Variants in SCGB2B2 observed in about 807,000 individuals in gnomAD.
The protein encoded by SCGB2B2 is secretoglobin-like protein.
In SCGB2B2, 11 loss-of-function variants were observed where a neutral mutation model predicts 7.6. That is an observed-to-expected ratio of 1.45 (90% confidence interval 0.91 to 2.40). The LOEUF (loss-of-function observed/expected upper bound fraction) is 2.40, where lower values mean the gene tolerates loss of function less well. Ranked by LOEUF, SCGB2B2 falls within the 30% of genes most tolerant of loss-of-function variation. The probability of loss-of-function intolerance (pLI) is 0.00; values close to 1 mark genes in which losing one functional copy is unlikely to be tolerated. For missense variants in SCGB2B2, 104 were observed against 115.4 expected, an observed-to-expected ratio of 0.90 and a Z score of 0.45; for synonymous variants, 50 against 48.6, an observed-to-expected ratio of 1.03 and a Z score of -0.12.
chr19:34,604,599 T>G (rs2065726519), intron 1 of SCGB2B2, among the ~76,000 whole-genome samples: 1 of 152,234 alleles, frequency 6.6e-6, no homozygotes, highest in Non-Finnish European at 1.5e-5. Context: ...GCCAATTGAA[T>G]CCTTACTTTC....
intron 1 of SCGB2B2, among the ~76,000 whole-genome samples, chr19:34,598,673 C>T (rs1265152784): frequency 6.6e-6 from 1 of 152,156 alleles, no homozygotes; most frequent in East Asian, 1.9e-4. Flanking sequence ...TCCCCATTTC[C>T]TGCCTTGCTT....
intron 1 of SCGB2B2, among the ~76,000 whole-genome samples, chr19:34,631,139 G>A (rs2066521107): frequency 6.6e-6 from 1 of 150,558 alleles, no homozygotes; most frequent in Admixed American, 6.6e-5. Flanking sequence ...GGGGAGGGAT[G>A]GCATTAGTAG....
chr19:34,605,519 G>T (rs1314763442), intron 1 of SCGB2B2, among the ~76,000 whole-genome samples: 1 of 152,178 alleles, frequency 6.6e-6, no homozygotes, highest in East Asian at 1.9e-4. Context: ...AACTTTTTGA[G>T]TCTGGCTTCT....
At chr19:34,662,336 G>T (rs2067481067) in intron 1 of SCGB2B2, among the ~76,000 whole-genome samples, 1 of 152,056 alleles carries the variant, frequency 6.6e-6, no homozygotes, top group African/African-American at 2.4e-5. Flanking sequence ...TCACGTAAAA[G>T]TCCATTCCAT....
At chr19:34,615,053 T>C (rs747104244) in intron 1 of SCGB2B2, among the ~76,000 whole-genome samples, 28 of 152,148 alleles carry the variant, frequency 1.8e-4, no homozygotes, top group Non-Finnish European at 3.2e-4. Context: ...TTGGGGATGT[T>C]AGGCCACTGG....
At chr19:34,585,615 C>T in the SCGB2B2 span, among the ~76,000 whole-genome samples, 1 of 152,168 alleles carries the variant, frequency 6.6e-6, no homozygotes, top group South Asian at 2.1e-4. Flanking sequence ...TCATTGAAGG[C>T]TCAGAAGCTA....
intron 1 of SCGB2B2, chr19:34,635,044 C>T (rs946256561): frequency 6.5e-5 from 19 of 294,330 alleles, no homozygotes; most frequent in African/African-American, 4.3e-4. Context: ...TCTCCAATGC[C>T]GAGCAAGTGT....
chr19:34,669,490 T>C (rs16969501), intron 1 of SCGB2B2, among the ~76,000 whole-genome samples: 24,259 of 152,212 alleles, frequency 0.16, 2,090 homozygotes, highest in East Asian at 0.29. Flanking sequence ...GACACACCGT[T>C]ATGCCTCAGG....
At chr19:34,665,748 G>C (rs1329872474) in intron 1 of SCGB2B2, among the ~76,000 whole-genome samples, 2 of 152,034 alleles carry the variant, frequency 1.3e-5, no homozygotes, top group Non-Finnish European at 2.9e-5. Flanking sequence ...CCCCACCACT[G>C]AGCATGTCCC....
At chr19:34,659,730 T>G (rs1239613087) in intron 1 of SCGB2B2, among the ~76,000 whole-genome samples, 1 of 152,170 alleles carries the variant, frequency 6.6e-6, no homozygotes, top group Non-Finnish European at 1.5e-5. Context: ...AATTTATAGA[T>G]TCAATGCTAT....
chr19:34,644,008 A>C (rs28591181), intron 1 of SCGB2B2, among the ~76,000 whole-genome samples: 1 of 152,194 alleles, frequency 6.6e-6, no homozygotes, highest in South Asian at 2.1e-4. Context: ...ATCTGTGAAT[A>C]ACATTTATAC....
chr19:34,597,851 G>A (rs1046806951), intron 1 of SCGB2B2, among the ~76,000 whole-genome samples: 1 of 152,236 alleles, frequency 6.6e-6, no homozygotes, highest in Non-Finnish European at 1.5e-5. Flanking sequence ...TGGGGCCGGT[G>A]TGGGGGCGTC....
At chr19:34,647,043 A>G (rs764166116) in intron 1 of SCGB2B2, among the ~76,000 whole-genome samples, 43 of 150,882 alleles carry the variant, frequency 2.8e-4, no homozygotes, top group Non-Finnish European at 1.0e-4. Context: ...CCAGGACTCC[A>G]GATGCTGGAG....
chr19:34,589,098 C>G (rs1360585412), downstream of SCGB2B2, among the ~76,000 whole-genome samples: 36 of 152,052 alleles, frequency 2.4e-4, 1 homozygote, highest in Admixed American at 2.4e-3. Flanking sequence ...GAGACCTGGA[C>G]TGTAAGAGGT....
chr19:34,623,411 T>G (rs1335548822), intron 1 of SCGB2B2, among the ~76,000 whole-genome samples: 4 of 152,062 alleles, frequency 2.6e-5, no homozygotes, highest in Non-Finnish European at 5.9e-5. Flanking sequence ...CCTTTTGGAG[T>G]GACCCAGGGT....
intron 1 of SCGB2B2, among the ~76,000 whole-genome samples, chr19:34,607,466 A>G (rs1049431837): frequency 7.2e-5 from 11 of 152,246 alleles, no homozygotes; most frequent in Non-Finnish European, 1.3e-4. Context: ...ATATATACCC[A>G]GAAGTGGGAT....
At chr19:34,603,087 C>G (rs2065677038) in intron 1 of SCGB2B2, among the ~76,000 whole-genome samples, 1 of 152,144 alleles carries the variant, frequency 6.6e-6, no homozygotes, top group Non-Finnish European at 1.5e-5. Flanking sequence ...GACTGCATGG[C>G]CACCAGCAAC....
chr19:34,632,554 C>CT (rs1378277640), intron 1 of SCGB2B2, among the ~76,000 whole-genome samples: 18 of 152,182 alleles, frequency 1.2e-4, no homozygotes, highest in Non-Finnish European at 1.9e-4. Flanking sequence ...AGAAATACCA[C>CT]TACACACCAA....
intron 1 of SCGB2B2, among the ~76,000 whole-genome samples, chr19:34,630,177 C>T (rs1006934034): frequency 3.9e-5 from 6 of 151,914 alleles, no homozygotes; most frequent in African/African-American, 4.8e-5. Flanking sequence ...AAAACCTAGG[C>T]AGTACCATTC....
Sources: gnomAD v4.1 joint callset for allele counts (sites outside exome capture counted in the v4.1 genomes callset) on GRCh38, gnomAD v4.1.1 for gene constraint, MANE v1.5 for transcripts, NCBI Gene and HGNC (gene_info 2026-07-23, HGNC 2026-07-21) for gene names.